Variants in POMT2 observed in about 807,000 individuals in gnomAD.
POMT2 encodes protein O-mannosyl-transferase 2.
In POMT2, 75 loss-of-function variants were observed where a neutral mutation model predicts 100.0. That is an observed-to-expected ratio of 0.75 (90% CI 0.62 to 0.91). The LOEUF (loss-of-function observed/expected upper bound fraction) is 0.91, where lower values mean the gene tolerates loss of function less well. POMT2 is among the 40% of genes least tolerant of loss of function. The pLI is 0.00. For missense variants in POMT2, 940 were observed against 955.1 expected, an observed-to-expected ratio of 0.98 and a Z score of 0.21; for synonymous variants, 378 against 374.1, an observed-to-expected ratio of 1.01 and a Z score of -0.12.
chr14:77,312,285 T>C (rs1173096206), intron 1 of POMT2: 1 of 432,054 alleles, frequency 2.3e-6, no homozygotes, highest in African/African-American at 2.0e-5. Context: ...GAGTTAAATA[T>C]ACATATACTT....
chr14:77,314,184 G>A (rs1261340173), intron 1 of POMT2, among the ~76,000 whole-genome samples: 1 of 152,142 alleles, frequency 6.6e-6, no homozygotes, highest in African/African-American at 2.4e-5. Context: ...AACCTTGAGG[G>A]AAGTTAGTGT....
chr14:77,316,547 C>G (rs1891632799), intron 1 of POMT2, among the ~76,000 whole-genome samples: 1 of 114,488 alleles, frequency 8.7e-6, no homozygotes, highest in South Asian at 2.9e-4. Context: ...GACTGGGCAA[C>G]AGAGTCAGAT....
At chr14:77,300,821 A>C in intron 6 of POMT2, 2 of 307,458 alleles carry the variant, frequency 6.5e-6, no homozygotes, top group Non-Finnish European at 1.2e-5. Flanking sequence ...CTCTATCTCA[A>C]AAAAAAAAAA....
chr14:77,278,384 A>C lies in POMT2; in HGVS notation c.2147+10T>G. 3 of 1,458,326 alleles carry C rather than the reference A, an allele frequency of 2.1e-6. No individual in the cohort carries two copies. The highest frequency in any genetic ancestry group is 2.8e-6 in the Non-Finnish European group (3 of 1,063,128). 90.3% of individuals were successfully genotyped at this position (1,458,326 alleles called of 1,614,324 possible). A position where few individuals can be genotyped will look rare whatever the true frequency, so the allele number is the denominator to read the frequency against. On this transcript the variant is annotated intron_variant, in intron 20 of 20. Coordinates refer to ENST00000261534, the MANE Select transcript of POMT2 (RefSeq NM_013382.7). ...CACTGGGAGGGCATGTGAGGTGCAG[A>C]GATGCTCACCTGTAGGCAGTTCCCA...
chr14:77,295,469 A>G (rs1372568490), intron 9 of POMT2, among the ~76,000 whole-genome samples: 1 of 151,944 alleles, frequency 6.6e-6, no homozygotes, highest in Non-Finnish European at 1.5e-5. Flanking sequence ...TGTCTCTACT[A>G]AAAATACGAA....
intron 9 of POMT2, among the ~76,000 whole-genome samples, chr14:77,294,673 A>G (rs1446066508): frequency 1.3e-5 from 2 of 152,208 alleles, no homozygotes; most frequent in East Asian, 3.9e-4. Flanking sequence ...GCCTGCCGCC[A>G]TCCACATAAA....
At chr14:77,293,861 T>C (rs1890729273) in intron 9 of POMT2, among the ~76,000 whole-genome samples, 1 of 152,180 alleles carries the variant, frequency 6.6e-6, no homozygotes, top group Non-Finnish European at 1.5e-5. Flanking sequence ...ACAGTGTAGA[T>C]GTTCTGGTCA....
Position 77,320,524 on chromosome 14 carries a change from T to C in POMT2, c.158A>G (p.Glu53Gly). Residue 53 changes from glutamate (E) to glycine (G), a missense_variant, in exon 1 of 21, where the codon GAG (glutamate) becomes GGG (glycine). Transcript: ENST00000261534. ...KRPAWGSRRFEAVGWWALLAL... is the reference protein window; with the variant it reads ...KRPAWGSRRFGAVGWWALLAL... ...CAGCAGGGCCCACCAGCCGACCGCC[T>C]CGAAGCGCCGTGAGCCCCAAGCAGG... 5.8e-6 allele frequency: 9 copies of C among 1,556,366 alleles called. No individual in the cohort carries two copies. The highest frequency in any genetic ancestry group is 6.9e-6 in the Non-Finnish European group (8 of 1,155,918).
rs1355973284 is a variant in POMT2, at chr14:77,277,425, G to A, written c.2204C>T (p.Pro735Leu). 3.1e-6 allele frequency: 5 copies of A among 1,614,154 alleles called. No homozygotes were observed. The highest frequency in any genetic ancestry group is 4.2e-6 in the Non-Finnish European group (5 of 1,179,986). The change falls in exon 21 of 21, where the codon CCC becomes CTC. Residue 735 changes from proline to leucine, a missense_variant. Pro to Leu is a moderately conservative substitution (Grantham distance 98, BLOSUM62 -3). Coordinates refer to ENST00000261534, the MANE Select transcript of POMT2 (RefSeq NM_013382.7). ...YGMVGPLAQD[P>L]QSPMAGLRWL... ...CCTTAGTCCTGCCATTGGACTTTGG[G>A]GGTCCTGGGCCAGGGGACCAACCAT...
chr14:77,280,864 G>A (rs1890199623), intron 15 of POMT2, among the ~76,000 whole-genome samples: 1 of 152,176 alleles, frequency 6.6e-6, no homozygotes, highest in Non-Finnish European at 1.5e-5. Flanking sequence ...GGCCGAGGCG[G>A]GTGGATCACC....
chr14:77,310,856 C>T (rs1891410640), intron 2 of POMT2, among the ~76,000 whole-genome samples: 1 of 152,180 alleles, frequency 6.6e-6, no homozygotes, highest in Non-Finnish European at 1.5e-5. Flanking sequence ...CTAAAATGGG[C>T]CAGGTGCGGT....
intron 18 of POMT2, 48 bp downstream of exon 18, chr14:77,279,775 T>C (rs2140166036): frequency 6.4e-7 from 1 of 1,568,206 alleles, no homozygotes; most frequent in South Asian, 1.1e-5. Flanking sequence ...GGGGTGCAGG[T>C]GCCCTGCTGC....
At chr14:77,277,514 AC>A (rs1890016394) in intron 20 of POMT2, 33 bp from the exon 21 acceptor site, 2 of 1,497,980 alleles carry the variant, frequency 1.3e-6, no homozygotes, top group South Asian at 1.1e-5. Context: ...GGCAGTTGGC[AC>A]CCCCAGTGCC....
At chr14:77,315,874 G>A (rs970430905) in intron 1 of POMT2, among the ~76,000 whole-genome samples, 13 of 152,170 alleles carry the variant, frequency 8.5e-5, no homozygotes, top group Admixed American at 5.2e-4. Context: ...GTAGCCAGGC[G>A]TGATAGGGGC....
At chr14:77,315,848 C>CT (rs1463453820) in intron 1 of POMT2, among the ~76,000 whole-genome samples, 7 of 152,266 alleles carry the variant, frequency 4.6e-5, no homozygotes, top group African/African-American at 1.7e-4. Context: ...CCTGTCTCTA[C>CT]TAAAAATACA....
intron 8 of POMT2, 39 bp downstream of exon 8, chr14:77,298,650 C>G: frequency 6.2e-7 from 1 of 1,608,324 alleles, no homozygotes; most frequent in Non-Finnish European, 8.5e-7. Flanking sequence ...CAGGACACCC[C>G]TCTGCCTTCT....
At chr14:77,281,944 G>T (rs74062794) in intron 15 of POMT2, among the ~76,000 whole-genome samples, 2,213 of 152,278 alleles carry the variant, frequency 0.015, 48 homozygotes, top group African/African-American at 0.05. Context: ...TCAGCAAGGG[G>T]CTGGGAATAG....
Position 77,285,637 on chromosome 14 carries a change from C to T in POMT2, c.1333-5G>A, listed in dbSNP as rs962778701. ...ATTTGAGTCCCCTGTTCCATTCTGC[C>T]ATAAAAGCCAAGAAAAAAATACAAA... On this transcript the variant is annotated splice_polypyrimidine_tract_variant and splice_region_variant and intron_variant, in intron 12 of 20. Coordinates refer to ENST00000261534, the MANE Select transcript of POMT2 (RefSeq NM_013382.7). 6.2e-7 allele frequency: 1 copy of T among 1,611,672 alleles called. No individual in the cohort carries two copies. The highest frequency in any genetic ancestry group is 1.3e-5 in the African/African-American group (1 of 74,918).
At chr14:77,304,420 C>T (rs556877760) in intron 4 of POMT2, among the ~76,000 whole-genome samples, 1 of 152,328 alleles carries the variant, frequency 6.6e-6, no homozygotes, top group South Asian at 2.1e-4. Flanking sequence ...ATTACCCATT[C>T]CAAACTCAAC....
Sources: allele counts gnomAD v4.1 joint callset (sites outside exome capture counted in the v4.1 genomes callset), GRCh38; gene constraint gnomAD v4.1.1; transcripts MANE v1.5; gene names NCBI Gene and HGNC (gene_info 2026-07-23, HGNC 2026-07-21).